The following AMZ1 variants were observed in gnomAD, a reference collection of about 807,000 sequenced individuals.
The protein encoded by AMZ1 is archaemetzincin-1.
A neutral mutation model predicts 29.9 loss-of-function variants in AMZ1; 39 were observed. The ratio of observed to expected loss-of-function variants is 1.30; its 90% CI spans 1.01 to 1.70. The LOEUF (loss-of-function observed/expected upper bound fraction) is 1.70. Among genes scored for constraint, AMZ1 ranks in the 40% most tolerant of loss-of-function variants. The probability of loss-of-function intolerance (pLI) is 0.00; values close to 1 mark genes in which losing one functional copy is unlikely to be tolerated. For missense variants in AMZ1, 1,041 were observed against 680.6 expected (o/e 1.53, Z -5.89); for synonymous variants, 458 against 304.0 (o/e 1.51, Z -5.27).
intron 4 of AMZ1, among the ~76,000 whole-genome samples, chr7:2,754,127 A>G (rs1007406678): frequency 2.0e-5 from 3 of 152,066 alleles, no homozygotes. Flanking sequence ...CCTCACCAGC[A>G]TTTGTTATTT....
rs777906573 is a variant in AMZ1 at position 2,712,532 on chromosome 7, G to A, written c.1151G>A (p.Gly384Glu). 3 of 1,608,614 alleles carry A rather than the reference G, an allele frequency of 1.9e-6. No individual in the cohort carries two copies. Among genetic ancestry groups the A allele is most frequent in the African/African-American group, 1.3e-5 (1 of 74,878 alleles). The change falls in exon 7 of 7, where the codon GGG becomes GAG. Residue 384 changes from glycine to glutamate, a missense_variant. By Grantham distance (98) the Gly-to-Glu change is moderately conservative (BLOSUM62 -2). Transcript: ENST00000683327. ...ACCTTCGCCTCGGGGCCAGAGGAAG[G>A]GCTGAGCTACCTGGCAGCCTCAGAG... ...SHTFASGPEE[G>E]LSYLAASEAP...
intron 4 of AMZ1, among the ~76,000 whole-genome samples, chr7:2,745,491 G>C (rs11978481): frequency 0.015 from 2,329 of 152,234 alleles, 53 homozygotes; most frequent in African/African-American, 0.052. Context: ...TCACCACCAG[G>C]CCTGCCCTAA....
intron 5 of AMZ1, 124 bp from the exon 6 acceptor site, chr7:2,709,516 G>T (rs144770220): frequency 3.2e-5 from 45 of 1,424,658 alleles, no homozygotes; most frequent in Non-Finnish European, 3.7e-5. Context: ...GAGGGCGCCT[G>T]GACCACCTCC....
Position 2,709,130 on chromosome 7 carries a change from C to T in AMZ1, c.657C>T (p.Pro219=). 2.5e-6 allele frequency: 4 copies of T among 1,599,364 alleles called. No individual in the cohort carries two copies. Among genetic ancestry groups the T allele is most frequent in the Non-Finnish European group, 3.4e-6 (4 of 1,173,224 alleles). The stretch of plus-strand genomic sequence containing the variant: ...CAGGGGAATTCCCGAAGTCGGGGCC[C>T]AGCGCCCCTGATCTGGCCCTGGTAG... ...RFSGEFPKSG[P]SAPDLALVEA... is the part of the protein sequence containing the mutation. The change falls in exon 5 of 7, where the codon CCC becomes CCT. Residue 219 remains proline, a synonymous_variant. Transcript: ENST00000683327.
chr7:2,745,058 G>C (rs1489477097), intron 4 of AMZ1, among the ~76,000 whole-genome samples: 1 of 152,234 alleles, frequency 6.6e-6, no homozygotes, highest in East Asian at 1.9e-4. Flanking sequence ...GTACCTGAAA[G>C]TGACAGGGAG....
chr7:2,755,240 T>C (rs1220716948), intron 4 of AMZ1, among the ~76,000 whole-genome samples: 1 of 152,094 alleles, frequency 6.6e-6, no homozygotes, highest in East Asian at 1.9e-4. Context: ...TTTTTGGCCA[T>C]TCCAGTGCCT....
At chr7:2,739,288 C>A (rs1642084221) in intron 4 of AMZ1, among the ~76,000 whole-genome samples, 2 of 152,352 alleles carry the variant, frequency 1.3e-5, no homozygotes, top group African/African-American at 4.8e-5. Context: ...GCCACTCCCA[C>A]TGCCCTGGCC....
intron 1 of AMZ1, among the ~76,000 whole-genome samples, chr7:2,690,996 C>T (rs1413188988): frequency 6.6e-6 from 1 of 151,878 alleles, no homozygotes; most frequent in African/African-American, 2.4e-5. Flanking sequence ...ACAAAATTAG[C>T]CTGGCATGGT....
At position 2,714,200 on chromosome 7, in the gene AMZ1, T is replaced by A. The variant is rs571874700; in HGVS notation, c.*1322T>A. The A allele has an allele frequency of 2.6e-5, 4 of 152,444 alleles. No individual in the cohort carries two copies. Among genetic ancestry groups the A allele is most frequent in the African/African-American group, 9.6e-5 (4 of 41,560 alleles). 9.4% of individuals were successfully genotyped at this position (152,444 alleles called of 1,614,324 possible). On this transcript the variant is annotated 3_prime_UTR_variant, in exon 7 of 7. Coordinates refer to ENST00000683327, the MANE Select transcript of AMZ1 (RefSeq NM_001384743.1). ...GGGCGGGGTCACAGCTCGCGCACCC[T>A]CATCTGGAGAGAGGCAAGAACAGGG...
chr7:2,736,993 T>C (rs798520), intron 4 of AMZ1, among the ~76,000 whole-genome samples: 82,943 of 152,116 alleles, frequency 0.55, 23,332 homozygotes, highest in Non-Finnish European at 0.62. Context: ...CTGCTCCTAA[T>C]TGGAGCCTTT....
At chr7:2,696,659 C>T (rs1199444503) in intron 1 of AMZ1, among the ~76,000 whole-genome samples, 1 of 151,658 alleles carries the variant, frequency 6.6e-6, no homozygotes, top group Non-Finnish European at 1.5e-5. Flanking sequence ...CTGAGGTGGG[C>T]AGATCACCTT....
chr7:2,692,805 A>G (rs542688973), intron 1 of AMZ1, among the ~76,000 whole-genome samples: 1 of 152,214 alleles, frequency 6.6e-6, no homozygotes, highest in Admixed American at 6.5e-5. Flanking sequence ...AAGCTCTTCC[A>G]ACAGCCTCCC....
chr7:2,737,289 GTTT>G (rs11389467), intron 4 of AMZ1, among the ~76,000 whole-genome samples: 3 of 62,314 alleles, frequency 4.8e-5, no homozygotes, highest in African/African-American at 1.7e-4. Context: ...TTTTTTTTTT[GTTT>G]TTTTTTTTTT....
upstream of AMZ1, among the ~76,000 whole-genome samples, chr7:2,764,088 T>C (rs117605942): frequency 4.2e-4 from 64 of 152,212 alleles, 1 homozygote; most frequent in East Asian, 0.011. Flanking sequence ...ATTTTGGTTT[T>C]GAGACAGGGT....
Position 2,713,923 on chromosome 7 carries a change from T to TC in AMZ1, c.*1046dup, listed in dbSNP as rs1380260886. ...AGATGATCTGTCTTTCCTTTTTTTT[T>TC]CGGTCTAGTTCTGTCAGTTGCTGAG... is the stretch of plus-strand genomic sequence containing the variant. On this transcript the variant is annotated 3_prime_UTR_variant, in exon 7 of 7. Coordinates refer to ENST00000683327, the MANE Select transcript of AMZ1 (RefSeq NM_001384743.1). The TC allele has an allele frequency of 3.3e-5, 5 of 152,330 alleles. No homozygotes were observed. Among genetic ancestry groups the TC allele is most frequent in the Admixed American group, 6.5e-5 (1 of 15,302 alleles). The allele number at this position is 152,330 out of a possible 1,614,324, so 9.4% of individuals were successfully genotyped here.
chr7:2,720,346 G>A (rs907628467), downstream of AMZ1, among the ~76,000 whole-genome samples: 2 of 152,194 alleles, frequency 1.3e-5, no homozygotes, highest in African/African-American at 2.4e-5. Context: ...CACTTTTTAT[G>A]CGCTGTGACA....
intron 6 of AMZ1, among the ~76,000 whole-genome samples, chr7:2,710,623 A>G (rs1788713913): frequency 6.6e-6 from 1 of 152,158 alleles, no homozygotes; most frequent in Non-Finnish European, 1.5e-5. Context: ...CCTGGGTGAC[A>G]CTGAACTAGA....
intron 4 of AMZ1, among the ~76,000 whole-genome samples, chr7:2,757,248 G>A: frequency 7.4e-6 from 1 of 135,394 alleles, no homozygotes; most frequent in African/African-American, 2.8e-5. Context: ...CCATTCTCCT[G>A]CCTCAGCCTC....
rs1472026739 is a variant in AMZ1 at position 2,712,892 on chromosome 7, G to A, written c.*14G>A. The A allele has an allele frequency of 4.0e-6, 6 of 1,509,632 alleles. No homozygotes were observed. In the East Asian group the frequency reaches 9.2e-5, roughly 23 times the overall value. The allele number at this position is 1,509,632 out of a possible 1,614,324, so 93.5% of individuals were successfully genotyped here. A position where few individuals can be genotyped will look rare whatever the true frequency, so the allele number is the denominator to read the frequency against. On this transcript the variant is annotated 3_prime_UTR_variant, in exon 7 of 7. Transcript: ENST00000683327. The stretch of plus-strand genomic sequence containing the variant: ...GAAGAGAGTTAGTACAGCAGGGGCT[G>A]CCCTACGTCTCCTTCCCTAAGGATG...
Sources: gnomAD v4.1 joint callset for allele counts (sites outside exome capture counted in the v4.1 genomes callset) on GRCh38, gnomAD v4.1.1 for gene constraint, MANE v1.5 for transcripts, NCBI Gene and HGNC (gene_info 2026-07-23, HGNC 2026-07-21) for gene names.